NCOA2: variants seen among roughly 807,000 people sequenced by gnomAD.
NCOA2 encodes the protein nuclear receptor coactivator 2.
Under a neutral mutation model 145.1 loss-of-function variants are expected in NCOA2, and 21 were observed. The observed-to-expected ratio is 0.14, with a 90% CI of 0.10 to 0.21. The LOEUF (loss-of-function observed/expected upper bound fraction) is 0.21, where lower values mean the gene tolerates loss of function less well. Among genes scored for constraint, NCOA2 ranks in the 10% least tolerant of loss-of-function variants. NCOA2 has a pLI of 1.00. For synonymous variants in NCOA2, 619 were observed against 637.5 expected (o/e 0.97, Z 0.44); for missense variants, 1,472 against 1,837.6 (o/e 0.80, Z 3.64).
At chr8:70,431,045 A>G in the NCOA2 span, among the ~76,000 whole-genome samples, 1 of 152,180 alleles carries the variant, frequency 6.6e-6, no homozygotes, top group South Asian at 2.1e-4. Flanking sequence ...GTTGCAAATG[A>G]CATTAAAACA....
chr8:70,389,429 C>T (rs1563836523), intron 1 of NCOA2, among the ~76,000 whole-genome samples: 1 of 151,592 alleles, frequency 6.6e-6, no homozygotes, highest in Non-Finnish European at 1.5e-5. Flanking sequence ...TACAGGCATG[C>T]GCCACCACAC....
Position 70,144,777 on chromosome 8 carries a change from A to G in NCOA2, c.2677T>C (p.Leu893=), listed in dbSNP as rs778298606. Residue 893 remains leucine, a synonymous_variant, in exon 13 of 23, where the codon TTG becomes CTG. Transcript: ENST00000452400. ...GGTCCAGCACCAGTTGGGCTTTGCA[A>G]TGTGATGTCAAGTGGTAAATTCTGG... ...PNQNLPLDIT[L]QSPTGAGPFP... is the part of the protein sequence containing the mutation. 29 of 1,613,988 alleles carry G rather than the reference A, an allele frequency of 1.8e-5. No individual in the cohort carries two copies. Among genetic ancestry groups the G allele is most frequent in the Non-Finnish European group, 2.3e-5 (27 of 1,179,884 alleles).
At chr8:70,186,665 T>A (rs927972884) in intron 4 of NCOA2, among the ~76,000 whole-genome samples, 3 of 152,150 alleles carry the variant, frequency 2.0e-5, no homozygotes, top group Non-Finnish European at 4.4e-5. Flanking sequence ...GGTTTGCATA[T>A]GTAACAAATA....
At chr8:70,152,184 G>T (rs532997404) in intron 11 of NCOA2, among the ~76,000 whole-genome samples, 468 of 152,296 alleles carry the variant, frequency 3.1e-3, no homozygotes, top group Non-Finnish European at 4.9e-3. Flanking sequence ...GGCAGAAAAT[G>T]AGTCAGAAAG....
chr8:70,371,991 A>ATT (rs938928618), intron 1 of NCOA2, among the ~76,000 whole-genome samples: 4 of 152,186 alleles, frequency 2.6e-5, no homozygotes, highest in African/African-American at 9.6e-5. Flanking sequence ...TATCTTTATA[A>ATT]TTTTTTTACC....
At chr8:70,160,682 G>GAGAGAGAGGGGGA (rs371258460) in intron 9 of NCOA2, among the ~76,000 whole-genome samples, 6 of 58,302 alleles carry the variant, frequency 1.0e-4, no homozygotes, top group Admixed American at 2.3e-4. Flanking sequence ...AGAGAGAGAG[G>GAGAGAGAGGGGGA]GAGAGAGAGA....
intron 1 of NCOA2, among the ~76,000 whole-genome samples, chr8:70,327,307 A>G (rs1395495313): frequency 6.6e-6 from 1 of 152,242 alleles, no homozygotes; most frequent in Non-Finnish European, 1.5e-5. Context: ...CTCAACAGAA[A>G]GCAAGAATGC....
At chr8:70,212,066 C>CATATATATATATATAT (rs36215324) in intron 4 of NCOA2, among the ~76,000 whole-genome samples, 48 of 144,366 alleles carry the variant, frequency 3.3e-4, no homozygotes, top group African/African-American at 7.7e-4. Flanking sequence ...CTTTGTGGCG[C>CATATATATATATATAT]ATATATATAT....
chr8:70,318,507 T>C (rs1037026196), intron 1 of NCOA2, among the ~76,000 whole-genome samples: 5 of 152,154 alleles, frequency 3.3e-5, no homozygotes, highest in African/African-American at 1.2e-4. Flanking sequence ...GGCTCATGCC[T>C]GTAATCCCAG....
intron 22 of NCOA2, among the ~76,000 whole-genome samples, chr8:70,116,505 C>T (rs1267137533): frequency 2.7e-5 from 4 of 150,332 alleles, no homozygotes; most frequent in African/African-American, 7.3e-5. Flanking sequence ...GAGCTAAGAT[C>T]GCGCCACTGC....
chr8:70,117,222 C>T (rs1258093978), intron 22 of NCOA2, among the ~76,000 whole-genome samples: 2 of 152,256 alleles, frequency 1.3e-5, no homozygotes, highest in Admixed American at 6.5e-5. Context: ...AACCCCCAGC[C>T]GGGCACTTTC....
At chr8:70,117,466 AG>A (rs1425216412) in intron 22 of NCOA2, among the ~76,000 whole-genome samples, 3 of 152,246 alleles carry the variant, frequency 2.0e-5, no homozygotes, top group African/African-American at 7.2e-5. Context: ...CCTGAGGCTG[AG>A]GATGCTTCCA....
chr8:70,155,448 T>C lies in NCOA2; in HGVS notation c.2394+523A>G, dbSNP rs575756858. Reference sequence around the variant, plus strand: ...TTTCAAGGAAGTGATTATCTCCAATTCAGGCAGCTTCTATAACAGAGGTCA... The same window carrying C: ...TTTCAAGGAAGTGATTATCTCCAATCCAGGCAGCTTCTATAACAGAGGTCA... On this transcript the variant is annotated intron_variant, in intron 11 of 22. Coordinates refer to ENST00000452400, the MANE Select transcript of NCOA2 (RefSeq NM_006540.4). Among the ~76,000 whole-genome samples the C allele has an allele frequency of 2.6e-5, 4 of 152,246 alleles. No homozygotes were observed. The South Asian group carries it at 8.3e-4, about 32-fold the overall frequency.
At position 70,126,926 on chromosome 8, in the gene NCOA2, T is replaced by C. The variant is rs1808483908; in HGVS notation, c.3803A>G (p.Gln1268Arg). Residue 1268 changes from glutamine (Q) to arginine (R), a missense_variant, in exon 19 of 23, where the codon CAA (glutamine) becomes CGA (arginine). Physicochemically the swap from Gln to Arg is conservative, Grantham distance 43. Around this residue, in one of 4 missense-constraint regions of NCOA2, gnomAD observed 232 missense variants for 290.6 expected, o/e 0.80. Coordinates refer to ENST00000452400, the MANE Select transcript of NCOA2 (RefSeq NM_006540.4). The part of the protein sequence containing the change: ...VQQRTLMMRG[Q>R]GLNMTPSMVA... ...CATGCTTGGTGTCATATTCAACCCT[T>C]GTCCTCTCATCATCAAAGTTCGTTG... 8.1e-6 allele frequency: 13 copies of C among 1,613,984 alleles called. No homozygotes were observed. The highest frequency in any genetic ancestry group is 1.1e-5 in the Non-Finnish European group (13 of 1,179,884).
chr8:70,202,846 C>T (rs1031301148), intron 4 of NCOA2, among the ~76,000 whole-genome samples: 1 of 152,054 alleles, frequency 6.6e-6, no homozygotes, highest in African/African-American at 2.4e-5. Context: ...TATTTACTAC[C>T]CCACCCACAA....
chr8:70,330,294 G>A (rs902984239), intron 1 of NCOA2, among the ~76,000 whole-genome samples: 2 of 152,004 alleles, frequency 1.3e-5, no homozygotes, highest in Admixed American at 1.3e-4. Flanking sequence ...TATGAGCTCG[G>A]TACGGTGGCT....
intron 2 of NCOA2, among the ~76,000 whole-genome samples, chr8:70,234,095 A>T (rs1414057689): frequency 6.6e-6 from 1 of 152,194 alleles, no homozygotes; most frequent in African/African-American, 2.4e-5. Flanking sequence ...AACATTTCAT[A>T]TAAACAGAAT....
At chr8:70,266,278 T>G (rs1239925371) in intron 2 of NCOA2, among the ~76,000 whole-genome samples, 3 of 152,218 alleles carry the variant, frequency 2.0e-5, no homozygotes, top group Non-Finnish European at 2.9e-5. Context: ...TCCTCCTACC[T>G]TAGCCACCTG....
At chr8:70,333,767 A>T (rs577198397) in intron 1 of NCOA2, among the ~76,000 whole-genome samples, 1 of 152,216 alleles carries the variant, frequency 6.6e-6, no homozygotes, top group Admixed American at 6.5e-5. Context: ...AAGATTCTTC[A>T]CCCAGACTGT....
Sources: gnomAD v4.1 joint callset for allele counts (sites outside exome capture counted in the v4.1 genomes callset) on GRCh38, gnomAD v4.1.1 for gene constraint, gnomAD v4.1.1 regional missense constraint, MANE v1.5 for transcripts, NCBI Gene and HGNC (gene_info 2026-07-23, HGNC 2026-07-21) for gene names.